PLEKHG1: variants seen among roughly 807,000 people sequenced by gnomAD.
The protein encoded by PLEKHG1 is pleckstrin homology and RhoGEF domain containing G1.
In PLEKHG1, 44 loss-of-function variants were observed where a neutral mutation model predicts 100.8. That is an observed-to-expected ratio of 0.44 (90% confidence interval 0.34 to 0.56). The LOEUF is 0.56. PLEKHG1 is among the 20% of genes least tolerant of loss of function. The pLI is 0.01. For missense variants in PLEKHG1, 1,545 were observed against 1,720.9 expected, an observed-to-expected ratio of 0.90 and a Z score of 1.81; for synonymous variants, 640 against 662.5, an observed-to-expected ratio of 0.97 and a Z score of 0.52.
intron 6 of PLEKHG1, among the ~76,000 whole-genome samples, chr6:150,802,476 A>G (rs1316203995): frequency 2.4e-5 from 3 of 124,254 alleles, no homozygotes; most frequent in Non-Finnish European, 4.8e-5. Context: ...GGTTAAGCAT[A>G]TGAAACAAGT....
intron 2 of PLEKHG1, among the ~76,000 whole-genome samples, chr6:150,766,525 A>T (rs377306118): frequency 6.6e-6 from 1 of 152,376 alleles, no homozygotes; most frequent in East Asian, 1.9e-4. Context: ...GTGGGGGGGA[A>T]CAAGTTATGA....
In PLEKHG1 at chr6:150,639,280, A is replaced by G. The variant is rs545209201; in HGVS notation, c.-158+1155A>G. 7.9e-5 allele frequency among the ~76,000 whole-genome samples: 12 copies of G among 152,298 alleles called. No individual in the cohort carries two copies. In the South Asian group the frequency reaches 2.5e-3, roughly 32 times the overall value. On this transcript the variant is annotated intron_variant, in intron 2 of 3. Transcript: ENST00000367326. The stretch of plus-strand genomic sequence containing the variant: ...TTCAAATAACCCTTATTAATGCATT[A>G]ATTTTTAAAAATGCTATATATTTCT...
At position 150,600,244 on chromosome 6, in the gene PLEKHG1, AGGGCGCTGGG is replaced by A. The variant is rs1370100335; in HGVS notation, c.-204+234_-204+243del. On this transcript the variant is annotated intron_variant, in intron 1 of 3. Transcript: ENST00000367326. This position sits in a 1 kb window ranked among gnomAD's most constrained non-coding sequence, Gnocchi z 6.2. ...CGGGGGCACCGCGCGGTGGGGACGG[AGGGCGCTGGG>A]GGGCGCCGCGTCTCGGGGGTCGGAG... is the stretch of plus-strand genomic sequence containing the variant. Among the ~76,000 whole-genome samples, 3 of 140,278 alleles carry A rather than the reference AGGGCGCTGGG, an allele frequency of 2.1e-5. No individual in the cohort carries two copies. Among genetic ancestry groups the A allele is most frequent in the Non-Finnish European group, 4.7e-5 (3 of 63,858 alleles). The allele number at this position is 140,278 out of a possible 152,430, so 92.0% of individuals were successfully genotyped here.
intron 2 of PLEKHG1, among the ~76,000 whole-genome samples, chr6:150,737,196 T>C (rs917763168): frequency 1.3e-5 from 2 of 152,262 alleles, no homozygotes; most frequent in African/African-American, 4.8e-5. Context: ...TAGACCACTT[T>C]TATCGAGTTC....
At chr6:150,756,927 T>A (rs1277514259) in intron 2 of PLEKHG1, among the ~76,000 whole-genome samples, 1 of 152,210 alleles carries the variant, frequency 6.6e-6, no homozygotes, top group Admixed American at 6.5e-5. Flanking sequence ...ATTAAATAAG[T>A]CATATAGGTA....
intron 3 of PLEKHG1, among the ~76,000 whole-genome samples, chr6:150,702,717 TG>T (rs1230921145): frequency 2.0e-5 from 3 of 152,168 alleles, no homozygotes; most frequent in Non-Finnish European, 4.4e-5. Context: ...AAGCAAAAGC[TG>T]TTGGGGAAAT....
chr6:150,751,333 C>G (rs1335591039), intron 2 of PLEKHG1, among the ~76,000 whole-genome samples: 1 of 151,314 alleles, frequency 6.6e-6, no homozygotes, highest in Non-Finnish European at 1.5e-5. Context: ...ATTTAATGGA[C>G]AGAGCACACA....
chr6:150,623,328 T>G lies in PLEKHG1; in HGVS notation c.-203-14752T>G, dbSNP rs145078917. Among the ~76,000 whole-genome samples, 69 of 152,316 alleles carry G rather than the reference T, an allele frequency of 4.5e-4. No individual in the cohort carries two copies. In the East Asian group the frequency reaches 8.7e-3, roughly 19 times the overall value. On this transcript the variant is annotated intron_variant, in intron 1 of 3. Coordinates refer to the PLEKHG1 transcript ENST00000367326. ...TGACCTGGTTTTGTGAGAGCTTGGC[T>G]GTTGGGTTCTTCAGTAGTGTTTTAT... is the stretch of plus-strand genomic sequence containing the variant.
intron 3 of PLEKHG1, among the ~76,000 whole-genome samples, chr6:150,707,189 G>A (rs1781058127): frequency 6.6e-6 from 1 of 151,484 alleles, no homozygotes; most frequent in African/African-American, 2.4e-5. Context: ...ATTTTTAGTA[G>A]AGACGGGTTT....
At chr6:150,783,617 A>G (rs1290367545) in intron 3 of PLEKHG1, among the ~76,000 whole-genome samples, 1 of 152,084 alleles carries the variant, frequency 6.6e-6, no homozygotes, top group Non-Finnish European at 1.5e-5. Context: ...TCATCTGCCC[A>G]CCTTGGCCTC....
At chr6:150,660,663 T>C (rs1288657257) in intron 3 of PLEKHG1, among the ~76,000 whole-genome samples, 1 of 152,224 alleles carries the variant, frequency 6.6e-6, no homozygotes, top group Admixed American at 6.5e-5. Context: ...AGCCAGTTGT[T>C]AAAAACTCCA....
intron 3 of PLEKHG1, among the ~76,000 whole-genome samples, chr6:150,696,593 C>T (rs2128596187): frequency 6.6e-6 from 1 of 152,296 alleles, no homozygotes; most frequent in Non-Finnish European, 1.5e-5. Flanking sequence ...TTCATAACAA[C>T]AGCAGCTCCA....
chr6:150,840,024 G>C (rs1401086848), exon 16 of PLEKHG1: 1 of 1,614,062 alleles, frequency 6.2e-7, no homozygotes, highest in South Asian at 1.1e-5. Flanking sequence ...AGAGTTAGCA[G>C]ATTTCTGTCT....
intron 3 of PLEKHG1, among the ~76,000 whole-genome samples, chr6:150,702,566 G>GTA (rs1780839267): frequency 6.6e-6 from 1 of 151,182 alleles, no homozygotes; most frequent in African/African-American, 2.4e-5. Context: ...GGGTGTGTGT[G>GTA]TGTGTGTGTG....
intron 3 of PLEKHG1, among the ~76,000 whole-genome samples, chr6:150,658,803 T>G (rs762887608): frequency 9.4e-4 from 143 of 152,328 alleles, no homozygotes; most frequent in Non-Finnish European, 2.4e-4. Context: ...CTCACTATAT[T>G]TACCTTACCA....
intron 1 of PLEKHG1, among the ~76,000 whole-genome samples, chr6:150,628,278 C>T (rs1473840776): frequency 6.6e-6 from 1 of 152,040 alleles, no homozygotes; most frequent in African/African-American, 2.4e-5. Context: ...TTGTTTTCTG[C>T]CCTGAGTGGA....
At chr6:150,611,544 G>T (rs919780867) in intron 1 of PLEKHG1, among the ~76,000 whole-genome samples, 13 of 152,194 alleles carry the variant, frequency 8.5e-5, no homozygotes, top group Non-Finnish European at 1.5e-4. Flanking sequence ...GGGCGAGGTG[G>T]CTCACGCCTG....
At chr6:150,656,016 T>G (rs942022011) in intron 3 of PLEKHG1, among the ~76,000 whole-genome samples, 1 of 151,788 alleles carries the variant, frequency 6.6e-6, no homozygotes, top group Non-Finnish European at 1.5e-5. Context: ...TTGATGGGTG[T>G]AGCAGACCGA....
intron 3 of PLEKHG1, among the ~76,000 whole-genome samples, chr6:150,711,399 G>A (rs1467934434): frequency 1.3e-5 from 2 of 152,148 alleles, no homozygotes; most frequent in South Asian, 2.1e-4. Context: ...AAACTGATAG[G>A]ACAGCTCAAA....
Sources: gnomAD v4.1 joint callset for allele counts (sites outside exome capture counted in the v4.1 genomes callset) on GRCh38, gnomAD v4.1.1 for gene constraint, Gnocchi (gnomAD v3.1) non-coding constraint, MANE v1.5 for transcripts, NCBI Gene and HGNC (gene_info 2026-07-23, HGNC 2026-07-21) for gene names.